The following LMX1A variants were observed in gnomAD, a reference collection of about 807,000 sequenced individuals.
LMX1A encodes LIM homeobox transcription factor 1 alpha, also known as LIM homeobox transcription factor 1-alpha.
In LMX1A, 15 loss-of-function variants were observed where a neutral mutation model predicts 49.1. The ratio of observed to expected loss-of-function variants is 0.31; its 90% CI spans 0.20 to 0.47. LMX1A has a LOEUF of 0.47. Ranked by LOEUF, LMX1A falls within the 20% of genes least tolerant of loss-of-function variation. LMX1A has a pLI of 1.00. For missense variants in LMX1A, 372 were observed against 475.8 expected, an observed-to-expected ratio of 0.78 and a Z score of 2.03; for synonymous variants, 167 against 185.7, an observed-to-expected ratio of 0.90 and a Z score of 0.82.
intron 3 of LMX1A, among the ~76,000 whole-genome samples, chr1:165,267,498 T>C (rs1653661965): frequency 6.6e-6 from 1 of 152,212 alleles, no homozygotes; most frequent in Non-Finnish European, 1.5e-5. Context: ...TGTGCATATG[T>C]AGTTATCTGA....
chr1:165,220,540 G>A (rs1651804100), intron 4 of LMX1A, among the ~76,000 whole-genome samples: 1 of 152,190 alleles, frequency 6.6e-6, no homozygotes, highest in Admixed American at 6.5e-5. Flanking sequence ...GCCTCAAAGA[G>A]GTGCAGAAAC....
At chr1:165,298,010 G>C (rs1264619366) in intron 3 of LMX1A, among the ~76,000 whole-genome samples, 1 of 152,244 alleles carries the variant, frequency 6.6e-6, no homozygotes, top group East Asian at 1.9e-4. Context: ...CAGGAAAGCA[G>C]ACATGTGGCA....
rs1571242162 is a variant in LMX1A, at chr1:165,356,624, A to C, written c.-292T>G. The C allele has an allele frequency of 6.5e-6, 1 of 152,936 alleles. No individual in the cohort carries two copies. 9.5% of individuals were successfully genotyped at this position (152,936 alleles called of 1,614,324 possible). On this transcript the variant is annotated 5_prime_UTR_variant, in exon 1 of 9. Coordinates refer to ENST00000342310, the MANE Select transcript of LMX1A (RefSeq NM_177398.4). ...CGCTCCTCAGCGGGAGGAGAGGGCC[A>C]GTTGCTTCTCCAAGGCTAGGAGGGA...
At chr1:165,223,735 T>C (rs1651937439) in intron 4 of LMX1A, among the ~76,000 whole-genome samples, 1 of 152,096 alleles carries the variant, frequency 6.6e-6, no homozygotes, top group South Asian at 2.1e-4. Flanking sequence ...AAGAAGACAA[T>C]TTTGTATGTT....
intron 3 of LMX1A, among the ~76,000 whole-genome samples, chr1:165,260,318 G>T (rs1346558212): frequency 1.3e-5 from 2 of 151,960 alleles, no homozygotes; most frequent in African/African-American, 2.4e-5. Flanking sequence ...CTCTTGCAAA[G>T]AATGTATATT....
intron 4 of LMX1A, among the ~76,000 whole-genome samples, chr1:165,244,349 C>T (rs1203117594): frequency 2.6e-5 from 4 of 152,160 alleles, no homozygotes; most frequent in Non-Finnish European, 4.4e-5. Flanking sequence ...TCCTAGGATC[C>T]GCAATTTATA....
intron 4 of LMX1A, among the ~76,000 whole-genome samples, chr1:165,243,056 C>G (rs553627979): frequency 6.6e-6 from 1 of 151,724 alleles, no homozygotes; most frequent in Non-Finnish European, 1.5e-5. Flanking sequence ...TAATGTCTAT[C>G]GTTCAGTTGA....
chr1:165,302,492 G>A lies in LMX1A; in HGVS notation c.263+50584C>T, dbSNP rs1303959541. ...AAAAAAAGAAAGAAAAGAAAAGAAA[G>A]CAGAGAATGTTCTGAGATGTGGCTG... On this transcript the variant is annotated intron_variant, in intron 3 of 8. Transcript: ENST00000342310. Among the ~76,000 whole-genome samples the A allele has an allele frequency of 2.0e-5, 3 of 151,956 alleles. No homozygotes were observed. In the East Asian group the frequency reaches 5.8e-4, roughly 29 times the overall value.
At chr1:165,327,497 T>C (rs1655623971) in intron 3 of LMX1A, among the ~76,000 whole-genome samples, 1 of 152,228 alleles carries the variant, frequency 6.6e-6, no homozygotes, top group African/African-American at 2.4e-5. Flanking sequence ...GCAGGACTGC[T>C]GCCAAATCCT....
intron 2 of LMX1A, among the ~76,000 whole-genome samples, chr1:165,354,867 G>A (rs1247345745): frequency 6.6e-6 from 1 of 152,238 alleles, no homozygotes; most frequent in Non-Finnish European, 1.5e-5. Context: ...CTCTTCCGGG[G>A]TCCTTGACTC....
At chr1:165,269,863 G>A (rs1387446683) in intron 3 of LMX1A, among the ~76,000 whole-genome samples, 2 of 152,080 alleles carry the variant, frequency 1.3e-5, no homozygotes, top group Non-Finnish European at 2.9e-5. Context: ...TGGACACAGG[G>A]AGGGGAACAA....
chr1:165,248,378 G>T (rs1357418544), intron 4 of LMX1A, among the ~76,000 whole-genome samples: 1 of 152,160 alleles, frequency 6.6e-6, no homozygotes, highest in Non-Finnish European at 1.5e-5. Flanking sequence ...ACTAGAATTG[G>T]CAATGGCAAG....
chr1:165,351,780 T>A (rs1174624454), intron 3 of LMX1A, among the ~76,000 whole-genome samples: 1 of 152,260 alleles, frequency 6.6e-6, no homozygotes, highest in African/African-American at 2.4e-5. Context: ...TAAACTTGCA[T>A]AGCCCCAGAC....
intron 4 of LMX1A, among the ~76,000 whole-genome samples, chr1:165,227,536 A>C (rs1161427612): frequency 1.0e-5 from 1 of 99,294 alleles, no homozygotes; most frequent in African/African-American, 3.6e-5. Context: ...GTGAGACCCT[A>C]TCTCAATAAT....
intron 3 of LMX1A, among the ~76,000 whole-genome samples, chr1:165,327,240 C>G (rs560038778): frequency 6.6e-6 from 1 of 152,002 alleles, no homozygotes; most frequent in Admixed American, 6.6e-5. Flanking sequence ...ACAGAGGGAC[C>G]GAAAGGAGGA....
chr1:165,355,426 A>G lies in LMX1A; in HGVS notation c.76+58T>C. On this transcript the variant is annotated intron_variant, in intron 2 of 8. Coordinates refer to ENST00000342310, the MANE Select transcript of LMX1A (RefSeq NM_177398.4). This position sits in a 1 kb window ranked among gnomAD's most constrained non-coding sequence, Gnocchi z 4.7. The stretch of plus-strand genomic sequence containing the variant: ...ACCAGGTCCCAGAGAGCGGGGCTCC[A>G]GAGCTCAGCGCCAAGCGGAAAGAGA... 1 of 1,558,942 alleles carries G rather than the reference A, an allele frequency of 6.4e-7. No individual in the cohort carries two copies. Among genetic ancestry groups the G allele is most frequent in the South Asian group, 1.1e-5 (1 of 88,576 alleles).
intron 4 of LMX1A, 148 bp from the exon 5 acceptor site, chr1:165,213,961 T>C: frequency 1.4e-6 from 1 of 694,584 alleles, no homozygotes; most frequent in Non-Finnish European, 2.4e-6. Flanking sequence ...TTTGAAAGCT[T>C]CCAGGAAGAG....
At chr1:165,259,290 C>T (rs16841803) in intron 3 of LMX1A, among the ~76,000 whole-genome samples, 7,414 of 152,228 alleles carry the variant, frequency 0.049, 279 homozygotes, top group East Asian at 0.12. Flanking sequence ...GCAGCTATGG[C>T]TATGGTCTAC....
At chr1:165,215,204 G>A (rs998804527) in intron 4 of LMX1A, among the ~76,000 whole-genome samples, 3 of 152,076 alleles carry the variant, frequency 2.0e-5, no homozygotes, top group African/African-American at 4.8e-5. Context: ...CCAGCTACTC[G>A]GGAAGCTGAT....
Sources: gnomAD v4.1 joint callset for allele counts (sites outside exome capture counted in the v4.1 genomes callset) on GRCh38, gnomAD v4.1.1 for gene constraint, Gnocchi (gnomAD v3.1) non-coding constraint, MANE v1.5 for transcripts, NCBI Gene and HGNC (gene_info 2026-07-23, HGNC 2026-07-21) for gene names.